The following THBS4 variants were observed in gnomAD, a reference collection of about 807,000 sequenced individuals.
THBS4 encodes the protein thrombospondin-4.
THBS4 carries 90 observed loss-of-function variants against 115.7 expected under a neutral mutation model. The ratio of observed to expected loss-of-function variants is 0.78; its 90% confidence interval spans 0.66 to 0.93. The LOEUF is 0.93. Ranked by LOEUF, THBS4 falls within the 40% of genes least tolerant of loss-of-function variation. THBS4 has a pLI of 0.00. For missense variants in THBS4, 1,087 were observed against 1,232.7 expected (o/e 0.88, Z 1.77); for synonymous variants, 460 against 479.3 (o/e 0.96, Z 0.53).
intron 10 of THBS4, 66 bp from the exon 11 acceptor site, chr5:80,070,240 C>T: frequency 1.4e-6 from 2 of 1,403,296 alleles, no homozygotes; most frequent in Non-Finnish European, 1.9e-6. Context: ...CAGAGAGGCC[C>T]TTGTCAGCCA....
intron 2 of THBS4, among the ~76,000 whole-genome samples, chr5:80,029,803 CA>C (rs762953430): frequency 0.46 from 62,734 of 135,594 alleles, 13,634 homozygotes; most frequent in East Asian, 0.5. Flanking sequence ...ACTAAAAATA[CA>C]AAAAAAAAAA....
chr5:80,005,647 G>A (rs1247020802), intron 2 of THBS4, among the ~76,000 whole-genome samples: 1 of 152,056 alleles, frequency 6.6e-6, no homozygotes, highest in East Asian at 1.9e-4. Context: ...GTATAAAGGG[G>A]AACCTGATCC....
At chr5:80,027,321 A>G (rs1832496916) in intron 2 of THBS4, among the ~76,000 whole-genome samples, 1 of 152,240 alleles carries the variant, frequency 6.6e-6, no homozygotes, top group South Asian at 2.1e-4. Context: ...CTTGTTTCCT[A>G]CTTTTAGATG....
intron 15 of THBS4, 58 bp downstream of exon 15, chr5:80,073,385 G>A: frequency 6.5e-7 from 1 of 1,527,694 alleles, no homozygotes; most frequent in South Asian, 1.2e-5. Flanking sequence ...GAGGGTTTTT[G>A]GTTTGTTTTT....
intron 2 of THBS4, among the ~76,000 whole-genome samples, chr5:80,026,780 C>T (rs1006361234): frequency 4.6e-5 from 7 of 152,214 alleles, no homozygotes; most frequent in African/African-American, 1.7e-4. Context: ...AGTCCCTGGT[C>T]TAAAACTTTT....
At chr5:80,002,342 C>T (rs1831917620) in intron 2 of THBS4, among the ~76,000 whole-genome samples, 1 of 152,114 alleles carries the variant, frequency 6.6e-6, no homozygotes, top group Admixed American at 6.5e-5. Context: ...TCTCCTAGCC[C>T]TAGCATTGGA....
chr5:80,018,041 G>T (rs1832285006), intron 2 of THBS4, among the ~76,000 whole-genome samples: 1 of 151,986 alleles, frequency 6.6e-6, no homozygotes, highest in South Asian at 2.1e-4. Flanking sequence ...ACTCTAATGT[G>T]CCAAGGAATT....
chr5:80,035,358 T>A lies in THBS4; in HGVS notation c.-180T>A, dbSNP rs1003805526. 2 of 203,266 alleles carry A rather than the reference T, an allele frequency of 9.8e-6. No individual in the cohort carries two copies. The highest frequency in any genetic ancestry group is 1.9e-5 in the Non-Finnish European group (2 of 106,046). The allele number at this position is 203,266 out of a possible 1,614,324, so 12.6% of individuals were successfully genotyped here. On this transcript the variant is annotated 5_prime_UTR_variant, in exon 1 of 22. Transcript: ENST00000350881. The surrounding 1 kb of genome is among the most constrained non-coding windows in gnomAD (Gnocchi z 4.6). ...GCTGCCGCGGAGCCCAGCAGCCAGCTCCCCAGCACCGCACGGCGGGGACGC... is the reference window on the plus strand; with the variant it reads ...GCTGCCGCGGAGCCCAGCAGCCAGCACCCCAGCACCGCACGGCGGGGACGC...
intron 2 of THBS4, among the ~76,000 whole-genome samples, chr5:80,055,395 C>T (rs1390032861): frequency 1.3e-5 from 2 of 151,768 alleles, no homozygotes; most frequent in South Asian, 2.1e-4. Flanking sequence ...TGGTAGTGCT[C>T]AGCAAGTGTT....
intron 2 of THBS4, among the ~76,000 whole-genome samples, chr5:80,054,495 A>G (rs1164780290): frequency 6.6e-6 from 1 of 151,606 alleles, no homozygotes; most frequent in Non-Finnish European, 1.5e-5. Flanking sequence ...TAATTTTTGT[A>G]TTTTTACTAG....
intron 2 of THBS4, among the ~76,000 whole-genome samples, chr5:80,008,735 C>G (rs929991364): frequency 6.6e-6 from 1 of 152,122 alleles, no homozygotes; most frequent in Admixed American, 6.5e-5. Context: ...TAACAGCACC[C>G]CTCGCCTCTA....
intron 1 of THBS4, among the ~76,000 whole-genome samples, chr5:79,995,065 A>G (rs543225264): frequency 1.3e-5 from 2 of 152,364 alleles, no homozygotes; most frequent in African/African-American, 2.4e-5. Context: ...TCTGAAGATG[A>G]GTAAACGAAT....
intron 2 of THBS4, among the ~76,000 whole-genome samples, chr5:80,053,981 G>A (rs1833335591): frequency 6.6e-6 from 1 of 152,068 alleles, no homozygotes; most frequent in South Asian, 2.1e-4. Flanking sequence ...GGCCTCTTAT[G>A]TTCAGGACAA....
intron 9 of THBS4, chr5:80,066,263 A>G (rs977457609): frequency 1.3e-5 from 2 of 152,240 alleles, no homozygotes; most frequent in African/African-American, 4.8e-5. Flanking sequence ...ACTATCAAGA[A>G]AAGAACTACT....
intron 2 of THBS4, among the ~76,000 whole-genome samples, chr5:80,003,373 G>A (rs1831947888): frequency 6.6e-6 from 1 of 152,124 alleles, no homozygotes; most frequent in African/African-American, 2.4e-5. Flanking sequence ...GAAGTAAGTA[G>A]GGAGAGAGAG....
At position 80,076,876 on chromosome 5, in the gene THBS4, C is replaced by A; in HGVS notation, c.1914C>A (p.Asp638Glu). 1.9e-6 allele frequency: 3 copies of A among 1,600,596 alleles called. No homozygotes were observed. The highest frequency in any genetic ancestry group is 1.7e-4 in the Middle Eastern group (1 of 6,016). Residue 638 changes from aspartate (D) to glutamate (E), a missense_variant, in exon 16 of 22, where the codon GAC (aspartate) becomes GAA (glutamate). By Grantham distance (45) the Asp-to-Glu change is conservative (BLOSUM62 2). Around this residue, in one of 3 missense-constraint regions of THBS4, gnomAD observed 979 missense variants for 1,103.7 expected, o/e 0.89. Transcript: ENST00000350881. The stretch of plus-strand genomic sequence containing the variant: ...GCAGTGATGGAGATGGGCACCAGGA[C>A]AGCACAGACAACTGCCCCACCGTCA... Reference protein sequence around the residue: ...NQDSDGDGHQDSTDNCPTVIN... With the variant: ...NQDSDGDGHQESTDNCPTVIN...
At chr5:79,996,016 A>G (rs1198392400) in intron 1 of THBS4, among the ~76,000 whole-genome samples, 1 of 151,898 alleles carries the variant, frequency 6.6e-6, no homozygotes, top group African/African-American at 2.4e-5. Flanking sequence ...GCACACCTGT[A>G]ATCCCAGCTA....
intron 2 of THBS4, among the ~76,000 whole-genome samples, chr5:80,000,375 C>A (rs1462753319): frequency 6.6e-6 from 1 of 152,170 alleles, no homozygotes; most frequent in Non-Finnish European, 1.5e-5. Context: ...AAAGTCTACC[C>A]CTCCTTATGG....
At position 80,079,265 on chromosome 5, in the gene THBS4, G is replaced by T; in HGVS notation, c.2511+7G>T. 6.3e-7 allele frequency: 1 copy of T among 1,584,638 alleles called. No homozygotes were observed. The highest frequency in any genetic ancestry group is 8.6e-7 in the Non-Finnish European group (1 of 1,164,954). ...ACCTGGCATTCAGCTCAAGGTATTG[G>T]TGGTTTGAAGTCATTCATCTCCCTT... is the stretch of plus-strand genomic sequence containing the variant. On this transcript the variant is annotated splice_region_variant and intron_variant, in intron 19 of 21. Coordinates refer to ENST00000350881, the MANE Select transcript of THBS4 (RefSeq NM_003248.6).
Sources: gnomAD v4.1 joint callset for allele counts (sites outside exome capture counted in the v4.1 genomes callset) on GRCh38, gnomAD v4.1.1 for gene constraint, gnomAD v4.1.1 regional missense constraint, Gnocchi (gnomAD v3.1) non-coding constraint, MANE v1.5 for transcripts, NCBI Gene and HGNC (gene_info 2026-07-23, HGNC 2026-07-21) for gene names.